The following STRIP2 variants were observed in gnomAD, a reference collection of about 807,000 sequenced individuals.
STRIP2 encodes the protein striatin-interacting protein 2.
STRIP2 carries 84 observed loss-of-function variants against 107.1 expected under a neutral mutation model. The ratio of observed to expected loss-of-function variants is 0.78; its 90% CI spans 0.66 to 0.94. STRIP2 has a LOEUF of 0.94. STRIP2 is among the 40% of genes least tolerant of loss of function. The pLI, the probability that STRIP2 is intolerant of heterozygous loss-of-function variation, is 0.00. For missense variants in STRIP2, 888 were observed against 1,034.2 expected (o/e 0.86, Z 1.94); for synonymous variants, 394 against 400.4 (o/e 0.98, Z 0.19).
chr7:129,484,428 A>G (rs1238695546), intron 20 of STRIP2: 1 of 152,176 alleles, frequency 6.6e-6, no homozygotes, highest in African/African-American at 2.4e-5. Context: ...ATTTTTGGTA[A>G]TGACTTGTCT....
chr7:129,464,412 G>A (rs879482015), intron 15 of STRIP2, among the ~76,000 whole-genome samples, 200 bp from the exon 16 acceptor site: 1 of 151,978 alleles, frequency 6.6e-6, no homozygotes, highest in African/African-American at 2.4e-5. Flanking sequence ...CCAAAAGAGA[G>A]ACGGAAACAA....
At chr7:129,477,002 G>A (rs1584969059) in intron 18 of STRIP2, among the ~76,000 whole-genome samples, 2 of 151,416 alleles carry the variant, frequency 1.3e-5, no homozygotes. Flanking sequence ...GCGAAACCCC[G>A]TCTCCACCAA....
intron 16 of STRIP2, among the ~76,000 whole-genome samples, chr7:129,465,246 T>C (rs1320286852): frequency 6.6e-6 from 1 of 152,134 alleles, no homozygotes; most frequent in Non-Finnish European, 1.5e-5. Flanking sequence ...CTGGTTGCTA[T>C]GGAAACATCT....
chr7:129,440,183 C>A, intron 2 of STRIP2, 92 bp downstream of exon 2: 2 of 1,087,182 alleles, frequency 1.8e-6, no homozygotes, highest in East Asian at 2.4e-5. Context: ...TCTGTTCTCA[C>A]CAAGTGGCTG....
intron 8 of STRIP2, 35 bp downstream of exon 8, chr7:129,455,406 C>A: frequency 6.3e-7 from 1 of 1,598,644 alleles, no homozygotes; most frequent in South Asian, 1.1e-5. Flanking sequence ...ATTATCAGAT[C>A]AGCAATGCCC....
intron 16 of STRIP2, among the ~76,000 whole-genome samples, chr7:129,465,598 CATTT>C (rs1798652456): frequency 6.6e-6 from 1 of 152,190 alleles, no homozygotes; most frequent in Non-Finnish European, 1.5e-5. Context: ...TCTAGGCCCT[CATTT>C]AATTATCTCC....
chr7:129,465,775 C>T (rs1322130571), intron 16 of STRIP2, among the ~76,000 whole-genome samples: 1 of 152,162 alleles, frequency 6.6e-6, no homozygotes. Flanking sequence ...ATGGGGACAG[C>T]AAATGGATGC....
chr7:129,468,480 C>T (rs1239867668), intron 17 of STRIP2, among the ~76,000 whole-genome samples: 1 of 152,176 alleles, frequency 6.6e-6, no homozygotes, highest in East Asian at 1.9e-4. Context: ...ATAAGGATAG[C>T]TTTTCTGACT....
Position 129,486,003 on chromosome 7 carries a change from T to C in STRIP2, c.*174T>C. ...TCACAATAAAATGATCAACTTGCCC[T>C]GGGGTCAGTTGGGTGCCCAGTTGGC... is the stretch of plus-strand genomic sequence containing the variant. On this transcript the variant is annotated 3_prime_UTR_variant, in exon 21 of 21. Transcript: ENST00000249344. The C allele has an allele frequency of 4.5e-6, 3 of 662,530 alleles. No homozygotes were observed. The highest frequency in any genetic ancestry group is 2.9e-5 in the Admixed American group (1 of 33,948). The allele number at this position is 662,530 out of a possible 1,614,324, so 41.0% of individuals were successfully genotyped here.
At chr7:129,445,101 T>C (rs933373583) in intron 3 of STRIP2, among the ~76,000 whole-genome samples, 2 of 152,180 alleles carry the variant, frequency 1.3e-5, no homozygotes, top group Admixed American at 6.5e-5. Flanking sequence ...CCTTCATTCC[T>C]GAGGGGTCTG....
At chr7:129,474,530 CTTTT>C (rs200851618) in intron 18 of STRIP2, among the ~76,000 whole-genome samples, 1 of 150,846 alleles carries the variant, frequency 6.6e-6, no homozygotes, top group Non-Finnish European at 1.5e-5. Flanking sequence ...CTGAAGTAGT[CTTTT>C]TTTTTGAGAC....
chr7:129,463,068 C>T (rs1249238005), intron 14 of STRIP2, 28 bp downstream of exon 14: 1 of 1,578,178 alleles, frequency 6.3e-7, no homozygotes, highest in East Asian at 2.2e-5. Context: ...CCAGAGCTGC[C>T]CTTCTCTGCT....
rs1334356559 is a variant in STRIP2, at chr7:129,459,559, G to C, written c.1383G>C (p.Glu461Asp). 6.2e-7 allele frequency: 1 copy of C among 1,614,086 alleles called. No homozygotes were observed. The highest frequency in any genetic ancestry group is 8.5e-7 in the Non-Finnish European group (1 of 1,179,990). The change falls in exon 12 of 21, where the codon GAG becomes GAC. Residue 461 changes from glutamate to aspartate, a missense_variant. By Grantham distance (45) the Glu-to-Asp change is conservative (BLOSUM62 2). Transcript: ENST00000249344. ...TTGGATTACCCAGGCCCATCCATGA[G>C]AGTGTGAAGACCCTAAAGCAGGTGA... ...TLVGLPRPIH[E>D]SVKTLKQHKY...
intron 7 of STRIP2, 55 bp downstream of exon 7, chr7:129,454,582 GC>G: frequency 8.9e-7 from 1 of 1,117,860 alleles, no homozygotes; most frequent in Non-Finnish European, 1.4e-6. Context: ...GAGAGGGGAA[GC>G]AGAGCATCTG....
At chr7:129,455,465 G>A in intron 8 of STRIP2, 94 bp downstream of exon 8, 1 of 1,488,404 alleles carries the variant, frequency 6.7e-7, no homozygotes, top group Non-Finnish European at 9.0e-7. Flanking sequence ...CTGGATCCAG[G>A]GAGCAGAACA....
At chr7:129,456,695 G>C in intron 9 of STRIP2, 53 bp downstream of exon 9, 3 of 1,502,152 alleles carry the variant, frequency 2.0e-6, no homozygotes, top group Non-Finnish European at 2.7e-6. Flanking sequence ...CAAAAATCAA[G>C]ATTCTAAGTT....
chr7:129,459,685 T>G (rs1311955957), intron 12 of STRIP2, 105 bp downstream of exon 12: 15 of 903,520 alleles, frequency 1.7e-5, no homozygotes, highest in Non-Finnish European at 2.5e-5. Context: ...AGACTCTTTC[T>G]GGACCTTCTG....
In STRIP2 at chr7:129,485,743, G is replaced by A; in HGVS notation, c.2419G>A (p.Asp807Asn). The A allele has an allele frequency of 1.2e-6, 2 of 1,614,208 alleles. No homozygotes were observed. Among genetic ancestry groups the A allele is most frequent in the Non-Finnish European group, 1.7e-6 (2 of 1,180,050 alleles). Residue 807 changes from aspartate (D) to asparagine (N), a missense_variant, in exon 21 of 21, where the codon GAT becomes AAT. Coordinates refer to ENST00000249344, the MANE Select transcript of STRIP2 (RefSeq NM_020704.3). Reference sequence around the variant, plus strand: ...GGGGCAGAGGTTGGATCTGCCTGAAGATTTCCACTATTCATATGAGCTCTG... The same window carrying A: ...GGGGCAGAGGTTGGATCTGCCTGAAAATTTCCACTATTCATATGAGCTCTG... ...VLGQRLDLPE[D>N]FHYSYELWLE...
chr7:129,472,775 C>CTTTTTTTTTTTTTTTTTTTTTTTT lies in STRIP2; in HGVS notation c.1944+2060_1944+2061insTTTTTTTTTTTTTTTTTTTTTTTT. On this transcript the variant is annotated intron_variant, in intron 18 of 20. Transcript: ENST00000249344. ...AATATATAGAATTTTCTTTTCTTTT[C>CTTTTTTTTTTTTTTTTTTTTTTTT]CTTTTTTTTTTTTTTTTTTTTTTTT... Among the ~76,000 whole-genome samples, 33 of 68,890 alleles carry CTTTTTTTTTTTTTTTTTTTTTTTT rather than the reference C, an allele frequency of 4.8e-4. 16 individuals carry two copies. Among genetic ancestry groups the CTTTTTTTTTTTTTTTTTTTTTTTT allele is most frequent in the Admixed American group, 4.6e-4 (2 of 4,318 alleles). The allele number at this position is 68,890 out of a possible 152,430, so 45.2% of individuals were successfully genotyped here. A position where few individuals can be genotyped will look rare whatever the true frequency, so the allele number is the denominator to read the frequency against.
Sources: gnomAD v4.1 joint callset for allele counts (sites outside exome capture counted in the v4.1 genomes callset) on GRCh38, gnomAD v4.1.1 for gene constraint, MANE v1.5 for transcripts, NCBI Gene and HGNC (gene_info 2026-07-23, HGNC 2026-07-21) for gene names.